The following SORCS1 variants were observed in gnomAD, a reference collection of about 807,000 sequenced individuals.
SORCS1 encodes the protein VPS10 domain-containing receptor SorCS1.
In SORCS1, 60 loss-of-function variants were observed where a neutral mutation model predicts 146.1. That is an observed-to-expected ratio of 0.41 (90% CI 0.33 to 0.51). The LOEUF is 0.51. Among genes scored for constraint, SORCS1 ranks in the 20% least tolerant of loss-of-function variants. The pLI is 0.21. For synonymous variants in SORCS1, 637 were observed against 584.0 expected, an observed-to-expected ratio of 1.09 and a Z score of -1.31; for missense variants, 1,352 against 1,487.6, an observed-to-expected ratio of 0.91 and a Z score of 1.50.
intron 19 of SORCS1, among the ~76,000 whole-genome samples, chr10:106,622,648 G>T (rs1847828971): frequency 6.6e-6 from 1 of 152,060 alleles, no homozygotes. Context: ...GCAGTTCAAT[G>T]AAATAATAAA....
At chr10:106,695,749 T>A (rs1364624663) in intron 9 of SORCS1, among the ~76,000 whole-genome samples, 1 of 152,216 alleles carries the variant, frequency 6.6e-6, no homozygotes, top group Non-Finnish European at 1.5e-5. Flanking sequence ...ATTTTTGCTC[T>A]GTGGCCAACT....
intron 1 of SORCS1, among the ~76,000 whole-genome samples, chr10:107,047,542 G>T (rs1332609306): frequency 6.6e-6 from 1 of 152,106 alleles, no homozygotes; most frequent in East Asian, 1.9e-4. Flanking sequence ...ATCAGAAAAA[G>T]TACTTTACAT....
chr10:107,170,225 G>C, the SORCS1 span, among the ~76,000 whole-genome samples: 1 of 152,064 alleles, frequency 6.6e-6, no homozygotes. Context: ...ATATAAAAAG[G>C]CTTTGATGTA....
At chr10:106,679,480 G>T in intron 11 of SORCS1, 148 bp from the exon 12 acceptor site, 1 of 931,716 alleles carries the variant, frequency 1.1e-6, no homozygotes, top group South Asian at 1.6e-5. Context: ...CAGGTCCAAT[G>T]GTTTAGGTGC....
At chr10:106,993,650 G>A (rs1170249009) in intron 1 of SORCS1, among the ~76,000 whole-genome samples, 1 of 152,042 alleles carries the variant, frequency 6.6e-6, no homozygotes, top group Non-Finnish European at 1.5e-5. Flanking sequence ...GTTCACAGTT[G>A]AAACTGTCAA....
At chr10:106,620,615 G>C (rs1847677811) in intron 19 of SORCS1, 54 bp from the exon 20 acceptor site, 1 of 1,593,296 alleles carries the variant, frequency 6.3e-7, no homozygotes, top group Non-Finnish European at 8.6e-7. Context: ...CCTCTGCTCT[G>C]TCCTCCCTGC....
intron 4 of SORCS1, among the ~76,000 whole-genome samples, chr10:106,764,746 G>A (rs563090227): frequency 3.3e-5 from 5 of 152,220 alleles, no homozygotes; most frequent in Admixed American, 6.5e-5. Context: ...ATTCTTGGCC[G>A]GGCGCGGTGG....
At chr10:106,984,805 T>C (rs1956394636) in intron 1 of SORCS1, among the ~76,000 whole-genome samples, 2 of 150,798 alleles carry the variant, frequency 1.3e-5, no homozygotes, top group Admixed American at 6.6e-5. Flanking sequence ...ATTTCACAGC[T>C]GATTTCAATC....
rs1969944262 is a variant in SORCS1 at position 107,164,318 on chromosome 10, A to C, written c.209T>G (p.Leu70Arg). Reference sequence around the variant, plus strand: ...GAACAGGGGACGCACTACGAGGGGCAGGGGCGTGGCAGGAGCCCTGCCTGG... The same window carrying C: ...GAACAGGGGACGCACTACGAGGGGCCGGGGCGTGGCAGGAGCCCTGCCTGG... Reference protein sequence around the residue: ...GRPGRAPATPLPLVVRPLFSV... With the variant: ...GRPGRAPATPRPLVVRPLFSV... Residue 70 changes from leucine to arginine, a missense_variant, in exon 1 of 26, where the codon CTG becomes CGG. By Grantham distance (102) the Leu-to-Arg change is moderately radical. This residue lies in a region of SORCS1 where 490 missense variants were observed against 489.1 expected (regional missense o/e 1.00). Transcript: ENST00000263054. This position sits in a 1 kb window ranked among gnomAD's most constrained non-coding sequence, Gnocchi z 6.8. 1 of 1,564,804 alleles carries C rather than the reference A, an allele frequency of 6.4e-7. No individual in the cohort carries two copies. Among genetic ancestry groups the C allele is most frequent in the African/African-American group, 1.4e-5 (1 of 74,030 alleles).
At chr10:106,951,169 T>C (rs1444980472) in intron 2 of SORCS1, among the ~76,000 whole-genome samples, 2 of 152,080 alleles carry the variant, frequency 1.3e-5, no homozygotes, top group East Asian at 1.9e-4. Context: ...TACATGCAAG[T>C]GTATTTCCCT....
intron 2 of SORCS1, among the ~76,000 whole-genome samples, chr10:106,871,936 G>A (rs1950420245): frequency 6.6e-6 from 1 of 152,178 alleles, no homozygotes; most frequent in Non-Finnish European, 1.5e-5. Flanking sequence ...TAGTGTGATA[G>A]TTCATTTATT....
At chr10:106,683,717 G>A (rs777098546) in intron 10 of SORCS1, among the ~76,000 whole-genome samples, 1 of 152,138 alleles carries the variant, frequency 6.6e-6, no homozygotes, top group Non-Finnish European at 1.5e-5. Flanking sequence ...ATATTGTACT[G>A]AAAGGACAGA....
At chr10:106,719,682 G>A (rs2756234) in intron 6 of SORCS1, among the ~76,000 whole-genome samples, 144,549 of 152,212 alleles carry the variant, frequency 0.95, 68,845 homozygotes, top group Non-Finnish European at 0.99. Context: ...AAGTGCTGGC[G>A]TTACAGGCAT....
intron 2 of SORCS1, among the ~76,000 whole-genome samples, chr10:106,874,633 C>T (rs996171950): frequency 2.0e-5 from 3 of 152,162 alleles, no homozygotes; most frequent in Non-Finnish European, 2.9e-5. Flanking sequence ...ATTTGATGAC[C>T]TTGGAAAACC....
chr10:107,075,585 G>A (rs2418834), intron 1 of SORCS1, among the ~76,000 whole-genome samples: 41,398 of 151,944 alleles, frequency 0.27, 7,726 homozygotes, highest in African/African-American at 0.53. Context: ...ACACAGAAAT[G>A]TATCTTTGGG....
At chr10:106,939,304 T>C (rs1411627683) in intron 2 of SORCS1, among the ~76,000 whole-genome samples, 2 of 152,358 alleles carry the variant, frequency 1.3e-5, no homozygotes, top group South Asian at 2.1e-4. Context: ...GCAATGAATA[T>C]AAATTTCCCA....
chr10:106,812,619 C>G (rs1947525000), intron 3 of SORCS1, among the ~76,000 whole-genome samples: 1 of 152,132 alleles, frequency 6.6e-6, no homozygotes, highest in Non-Finnish European at 1.5e-5. Flanking sequence ...GAAAAAGTGT[C>G]TGTCACTGAA....
At chr10:106,957,038 A>G (rs1281767579) in intron 1 of SORCS1, among the ~76,000 whole-genome samples, 1 of 152,238 alleles carries the variant, frequency 6.6e-6, no homozygotes, top group Non-Finnish European at 1.5e-5. Flanking sequence ...ATTATTTGAA[A>G]GAATGTCAGT....
At chr10:107,134,343 A>T (rs1967096451) in intron 1 of SORCS1, among the ~76,000 whole-genome samples, 1 of 152,170 alleles carries the variant, frequency 6.6e-6, no homozygotes, top group South Asian at 2.1e-4. Flanking sequence ...ATAATTTAAG[A>T]TTTACATTCC....
Sources: allele counts gnomAD v4.1 joint callset (sites outside exome capture counted in the v4.1 genomes callset), GRCh38; gene constraint gnomAD v4.1.1; regional missense constraint gnomAD v4.1.1; non-coding constraint Gnocchi (gnomAD v3.1); transcripts MANE v1.5; gene names NCBI Gene and HGNC (gene_info 2026-07-23, HGNC 2026-07-21).